LRP1B: variants seen among roughly 807,000 people sequenced by gnomAD.
The protein encoded by LRP1B is LDL receptor related protein 1B.
LRP1B carries 217 observed loss-of-function variants against 556.6 expected under a neutral mutation model. The ratio of observed to expected loss-of-function variants is 0.39; its 90% CI spans 0.35 to 0.44. The LOEUF is 0.44. Ranked by LOEUF, LRP1B falls within the 20% of genes least tolerant of loss-of-function variation. LRP1B has a pLI of 1.00. For missense variants in LRP1B, 5,053 were observed against 5,620.8 expected (o/e 0.90, Z 3.23); for synonymous variants, 2,047 against 1,865.8 (o/e 1.10, Z -2.50).
At chr2:140,675,304 G>A (rs1013259210) in intron 41 of LRP1B, among the ~76,000 whole-genome samples, 16 of 152,130 alleles carry the variant, frequency 1.1e-4, no homozygotes, top group Admixed American at 1.0e-3. Context: ...AAACTGACCA[G>A]CACACTTAGA....
chr2:140,443,356 C>T (rs75836983), intron 65 of LRP1B, among the ~76,000 whole-genome samples: 4 of 152,128 alleles, frequency 2.6e-5, no homozygotes, highest in East Asian at 1.9e-4. Flanking sequence ...CCACTGCACC[C>T]GGCCTGTGTT....
At chr2:141,925,185 A>G (rs749599013) in intron 1 of LRP1B, among the ~76,000 whole-genome samples, 32 of 152,226 alleles carry the variant, frequency 2.1e-4, no homozygotes, top group Non-Finnish European at 4.1e-4. Context: ...AATTTGAAAA[A>G]TGTCTACATT....
chr2:141,744,785 G>A (rs1179612752), intron 2 of LRP1B, among the ~76,000 whole-genome samples: 1 of 152,090 alleles, frequency 6.6e-6, no homozygotes, highest in Non-Finnish European at 1.5e-5. Flanking sequence ...TGAAGAGTTA[G>A]GTATTTATTG....
chr2:141,452,575 C>T (rs139818521), intron 3 of LRP1B, among the ~76,000 whole-genome samples: 31 of 152,270 alleles, frequency 2.0e-4, no homozygotes, highest in African/African-American at 2.6e-4. Context: ...AAGCTAGCAT[C>T]GATTACACAT....
intron 77 of LRP1B, among the ~76,000 whole-genome samples, chr2:140,341,149 T>C (rs188929402): frequency 5.9e-5 from 9 of 151,744 alleles, no homozygotes; most frequent in Admixed American, 5.9e-4. Flanking sequence ...TAAATTGTGT[T>C]CTTATATCTC....
chr2:140,252,845 T>C (rs531522845), intron 86 of LRP1B, among the ~76,000 whole-genome samples: 93 of 152,188 alleles, frequency 6.1e-4, no homozygotes, highest in African/African-American at 2.2e-3. Context: ...ATCTAATATA[T>C]CTTTAAAGAT....
rs375614524 is a variant in LRP1B at position 140,850,107 on chromosome 2, G to A, written c.4934C>T (p.Ser1645Leu). 40 of 1,594,064 alleles carry A rather than the reference G, an allele frequency of 2.5e-5. No individual in the cohort carries two copies. The African/African-American group carries it at 2.6e-4, about 10-fold the overall frequency. ...AACATGTACGAATCTTTTACCTCTT[G>A]AAATAACAGTTTCTAACCCAGTTCC... is the stretch of plus-strand genomic sequence containing the variant. ...INGTGLETVISRDIQSIRGLA... is the reference protein window; with the variant it reads ...INGTGLETVILRDIQSIRGLA... The change falls in exon 29 of 91, where the codon TCA (serine) becomes TTA (leucine). Residue 1645 changes from serine (S) to leucine (L), a missense_variant. By Grantham distance (145) the Ser-to-Leu change is moderately radical (BLOSUM62 -2). Transcript: ENST00000389484.
intron 3 of LRP1B, among the ~76,000 whole-genome samples, chr2:141,423,800 CATT>C (rs1445209701): frequency 2.8e-5 from 4 of 144,114 alleles, no homozygotes; most frequent in Non-Finnish European, 3.0e-5. Flanking sequence ...CTACTGTTTT[CATT>C]ATTATCTTTT....
chr2:140,553,388 TA>T (rs1680616266), intron 43 of LRP1B, among the ~76,000 whole-genome samples: 1 of 151,208 alleles, frequency 6.6e-6, no homozygotes, highest in Admixed American at 6.6e-5. Context: ...AGCATTGATC[TA>T]AAATATTCCT....
intron 11 of LRP1B, among the ~76,000 whole-genome samples, chr2:141,046,893 CCAACATGG>C (rs1211262312): frequency 6.6e-6 from 1 of 151,944 alleles, no homozygotes; most frequent in Non-Finnish European, 1.5e-5. Context: ...ACCAACCTGG[CCAACATGG>C]TGAAACCCCG....
Position 141,720,583 on chromosome 2 carries a change from T to G in LRP1B, c.205+89696A>C, listed in dbSNP as rs190802191. ...ATGACTAACTTTATGTTTTTCCTTATTTTAACATCGTCATTAATTCTAATC... is the reference window on the plus strand; with the variant it reads ...ATGACTAACTTTATGTTTTTCCTTAGTTTAACATCGTCATTAATTCTAATC... On this transcript the variant is annotated intron_variant, in intron 2 of 90. Coordinates refer to ENST00000389484, the MANE Select transcript of LRP1B (RefSeq NM_018557.3). 1.1e-3 allele frequency among the ~76,000 whole-genome samples: 167 copies of G among 152,218 alleles called. 1 individual carries two copies. The highest frequency in any genetic ancestry group is 2.8e-4 in the Non-Finnish European group (19 of 67,942).
intron 1 of LRP1B, among the ~76,000 whole-genome samples, chr2:141,939,003 T>C (rs1338798840): frequency 6.6e-6 from 1 of 151,122 alleles, no homozygotes; most frequent in Non-Finnish European, 1.5e-5. Context: ...GAGGGGAGAG[T>C]TATGGGGAGA....
chr2:141,010,335 G>T (rs547465919), intron 14 of LRP1B, among the ~76,000 whole-genome samples: 78 of 152,032 alleles, frequency 5.1e-4, no homozygotes, highest in African/African-American at 1.8e-3. Context: ...TAATGTTAAT[G>T]AAAAAGGAAA....
chr2:140,321,730 G>A (rs868558105), intron 82 of LRP1B, among the ~76,000 whole-genome samples: 10 of 151,996 alleles, frequency 6.6e-5, no homozygotes, highest in South Asian at 2.1e-4. Context: ...CAAAGTTCTC[G>A]ATCTGTTGTT....
chr2:141,932,454 C>A (rs1330787383), intron 1 of LRP1B, among the ~76,000 whole-genome samples: 1 of 151,978 alleles, frequency 6.6e-6, no homozygotes, highest in Non-Finnish European at 1.5e-5. Flanking sequence ...ATTTGAGTCT[C>A]CCTCCTTAAT....
chr2:141,227,787 C>T (rs1683303279), intron 6 of LRP1B, among the ~76,000 whole-genome samples: 1 of 152,088 alleles, frequency 6.6e-6, no homozygotes, highest in African/African-American at 2.4e-5. Flanking sequence ...TATTTCTTTA[C>T]ATAAGGGTTA....
chr2:140,282,387 C>A (rs896641027), intron 84 of LRP1B, among the ~76,000 whole-genome samples: 2 of 151,702 alleles, frequency 1.3e-5, no homozygotes, highest in Admixed American at 6.6e-5. Flanking sequence ...TAAGCAATTG[C>A]CAAGGCTTGC....
intron 2 of LRP1B, among the ~76,000 whole-genome samples, chr2:141,660,238 A>C (rs895487605): frequency 6.6e-6 from 1 of 151,976 alleles, no homozygotes; most frequent in African/African-American, 2.4e-5. Context: ...GGGAGCTCCC[A>C]CCCCCAGCCA....
chr2:141,731,301 A>C (rs952601269), intron 2 of LRP1B, among the ~76,000 whole-genome samples: 4 of 152,034 alleles, frequency 2.6e-5, no homozygotes, highest in Non-Finnish European at 5.9e-5. Flanking sequence ...ATCTTTTGAA[A>C]ATGCCTTCAG....
Sources: gnomAD v4.1 joint callset for allele counts (sites outside exome capture counted in the v4.1 genomes callset) on GRCh38, gnomAD v4.1.1 for gene constraint, MANE v1.5 for transcripts, NCBI Gene and HGNC (gene_info 2026-07-23, HGNC 2026-07-21) for gene names.